Variants in PVR observed in about 807,000 individuals in gnomAD.
PVR encodes the protein PVR cell adhesion molecule.
A neutral mutation model predicts 43.3 loss-of-function variants in PVR; 39 were observed. The observed-to-expected ratio is 0.90, with a 90% CI of 0.70 to 1.18. PVR has a LOEUF of 1.18. PVR is among the 50% of genes most tolerant of loss of function. The probability of loss-of-function intolerance (pLI) is 0.00; values close to 1 mark genes in which losing one functional copy is unlikely to be tolerated. For synonymous variants in PVR, 224 were observed against 233.2 expected, an observed-to-expected ratio of 0.96 and a Z score of 0.36; for missense variants, 480 against 549.7, an observed-to-expected ratio of 0.87 and a Z score of 1.27.
chr19:44,647,503 C>A lies in PVR; in HGVS notation c.360C>A (p.Asn120Lys). The change falls in exon 2 of 8, where the codon AAC becomes AAA. Residue 120 changes from asparagine (N) to lysine (K), a missense_variant. Transcript: ENST00000425690. ...GGTTGCGCGTAGAGGATGAAGGCAACTACACCTGCCTGTTCGTCACGTTCC... is the reference window on the plus strand; with the variant it reads ...GGTTGCGCGTAGAGGATGAAGGCAAATACACCTGCCTGTTCGTCACGTTCC... ...MFGLRVEDEGNYTCLFVTFPQ... is the reference protein window; with the variant it reads ...MFGLRVEDEGKYTCLFVTFPQ... 6.2e-7 allele frequency: 1 copy of A among 1,614,108 alleles called. No individual in the cohort carries two copies. Among genetic ancestry groups the A allele is most frequent in the Non-Finnish European group, 8.5e-7 (1 of 1,180,012 alleles).
rs1973495471 is a variant in PVR, at chr19:44,657,883, C to T, written c.964C>T (p.Gln322Ter). The part of the protein sequence containing the change: ...CNVTNALGAR[Q>*]AELTVQVKEG... ...CGTCACCAATGCCCTAGGAGCTCGC[C>T]AGGCAGAACTGACCGTCCAGGTCAA... Residue 322 changes from glutamine to a stop codon, truncating the protein, a stop_gained, in exon 5 of 8, where the codon CAG (glutamine) becomes TAG (stop). Transcript: ENST00000425690. LOFTEE classifies it high-confidence loss of function. 6.2e-7 allele frequency: 1 copy of T among 1,613,712 alleles called. No homozygotes were observed. The highest frequency in any genetic ancestry group is 1.7e-5 in the Admixed American group (1 of 59,924).
chr19:44,649,883 T>A lies in PVR; in HGVS notation c.502T>A (p.Ser168Thr). ...GCCAGTGCCCATGGCCCGCTGCGTC[T>A]CCACAGGGGGTCGCCCGCCAGCCCA... ...GEPVPMARCV[S>T]TGGRPPAQIT... Residue 168 changes from serine to threonine, a missense_variant, in exon 3 of 8, where the codon TCC becomes ACC. Physicochemically the swap from Ser to Thr is moderately conservative, Grantham distance 58. Coordinates refer to ENST00000425690, the MANE Select transcript of PVR (RefSeq NM_006505.5). 2 of 1,614,032 alleles carry A rather than the reference T, an allele frequency of 1.2e-6. No individual in the cohort carries two copies. Among genetic ancestry groups the A allele is most frequent in the Non-Finnish European group, 1.7e-6 (2 of 1,179,976 alleles).
chr19:44,653,073 T>A (rs1973325827), intron 3 of PVR, among the ~76,000 whole-genome samples: 1 of 152,118 alleles, frequency 6.6e-6, no homozygotes, highest in Admixed American at 6.6e-5. Context: ...ATCCAAATAC[T>A]GTCTACACAC....
At chr19:44,656,205 G>T (rs1050755276) in intron 4 of PVR, among the ~76,000 whole-genome samples, 1 of 152,170 alleles carries the variant, frequency 6.6e-6, no homozygotes, top group African/African-American at 2.4e-5. Flanking sequence ...AACATATGTG[G>T]ATGTCATCAG....
intron 3 of PVR, among the ~76,000 whole-genome samples, chr19:44,652,503 C>T (rs954744094): frequency 2.6e-5 from 4 of 152,176 alleles, no homozygotes; most frequent in Non-Finnish European, 5.9e-5. Flanking sequence ...CCTGCCTCAG[C>T]CTCCCGAGTA....
rs536528386 is a variant in PVR at position 44,649,872 on chromosome 19, C to T, written c.491C>T (p.Ala164Val). The change falls in exon 3 of 8, where the codon GCC (alanine) becomes GTC (valine). Residue 164 changes from alanine to valine, a missense_variant. Coordinates refer to ENST00000425690, the MANE Select transcript of PVR (RefSeq NM_006505.5). Reference sequence around the variant, plus strand: ...CTCACTGGAGAGCCAGTGCCCATGGCCCGCTGCGTCTCCACAGGGGGTCGC... The same window carrying T: ...CTCACTGGAGAGCCAGTGCCCATGGTCCGCTGCGTCTCCACAGGGGGTCGC... ...VQLTGEPVPMARCVSTGGRPP... is the reference protein window; with the variant it reads ...VQLTGEPVPMVRCVSTGGRPP... The T allele has an allele frequency of 3.7e-6, 6 of 1,613,966 alleles. No homozygotes were observed. The highest frequency in any genetic ancestry group is 5.1e-6 in the Non-Finnish European group (6 of 1,179,996).
chr19:44,656,472 C>T (rs1160149498), intron 4 of PVR, among the ~76,000 whole-genome samples: 1 of 152,238 alleles, frequency 6.6e-6, no homozygotes, highest in African/African-American at 2.4e-5. Context: ...GCTTCCATCT[C>T]CTCCACCTCT....
At chr19:44,661,265 T>C (rs749289203) in intron 6 of PVR, 27 bp from the exon 7 acceptor site, 6 of 1,608,498 alleles carry the variant, frequency 3.7e-6, no homozygotes, top group Non-Finnish European at 4.3e-6. Flanking sequence ...TATTCCTTCC[T>C]GACGACTTCC....
chr19:44,655,668 C>A lies in PVR; in HGVS notation c.842+1651C>A, dbSNP rs73565950. 4.3e-3 allele frequency among the ~76,000 whole-genome samples: 653 copies of A among 152,228 alleles called. 4 individuals carry two copies. Among genetic ancestry groups the A allele is most frequent in the African/African-American group, 0.014 (601 of 41,520 alleles). On this transcript the variant is annotated intron_variant, in intron 4 of 7. Coordinates refer to ENST00000425690, the MANE Select transcript of PVR (RefSeq NM_006505.5). ...ATAGATCCACAACTCCATTTTCCCC[C>A]ACGTTGTATTAGGAAGACTGTCAAA...
At chr19:44,654,093 G>A in intron 4 of PVR, 76 bp downstream of exon 4, 1 of 1,193,812 alleles carries the variant, frequency 8.4e-7, no homozygotes. Flanking sequence ...CTGGGGGCCT[G>A]GACTCCTGGG....
At chr19:44,655,155 C>T (rs1287236524) in intron 4 of PVR, among the ~76,000 whole-genome samples, 1 of 152,100 alleles carries the variant, frequency 6.6e-6, no homozygotes, top group East Asian at 1.9e-4. Context: ...GTGATCATAG[C>T]TCACTGCAGC....
In PVR at chr19:44,662,635, C is replaced by T. The variant is rs1016696347; in HGVS notation, c.*824C>T. Reference sequence around the variant, plus strand: ...ATTAGCATGAACCACCCAGAGTGGCCCAAGACTCCAAGATCAGCTACCAGG... The same window carrying T: ...ATTAGCATGAACCACCCAGAGTGGCTCAAGACTCCAAGATCAGCTACCAGG... On this transcript the variant is annotated 3_prime_UTR_variant, in exon 8 of 8. Transcript: ENST00000425690. 6.6e-6 allele frequency: 1 copy of T among 152,270 alleles called. No individual in the cohort carries two copies. The highest frequency in any genetic ancestry group is 2.1e-4 in the South Asian group (1 of 4,826). The allele number at this position is 152,270 out of a possible 1,614,324, so 9.4% of individuals were successfully genotyped here. A position where few individuals can be genotyped will look rare whatever the true frequency, so the allele number is the denominator to read the frequency against.
rs201567346 is a variant in PVR at position 44,664,184 on chromosome 19, C to CTTTA, written c.*2389_*2392dup. 52 of 151,916 alleles carry CTTTA rather than the reference C, an allele frequency of 3.4e-4. No individual in the cohort carries two copies. Among genetic ancestry groups the CTTTA allele is most frequent in the South Asian group, 4.2e-4 (2 of 4,818 alleles). The allele number at this position is 151,916 out of a possible 1,614,324, so 9.4% of individuals were successfully genotyped here. On this transcript the variant is annotated 3_prime_UTR_variant, in exon 8 of 8. Coordinates refer to ENST00000425690, the MANE Select transcript of PVR (RefSeq NM_006505.5). ...TACCAAAAAACCATTGAATAGTGCA[C>CTTTA]TTTATTTATTTATTTATTTGTTTAT...
Position 44,661,335 on chromosome 19 carries a change from G to A in PVR, c.1182+12G>A. The A allele has an allele frequency of 6.2e-7, 1 of 1,613,654 alleles. No homozygotes were observed. The highest frequency in any genetic ancestry group is 8.5e-7 in the Non-Finnish European group (1 of 1,179,552). On this transcript the variant is annotated intron_variant, in intron 7 of 7. Coordinates refer to ENST00000425690, the MANE Select transcript of PVR (RefSeq NM_006505.5). ...CCTCAGCTAATGGGGTAAGTGCAGT[G>A]TTGGAGCTAAGGAGGGTGTGGGGTC...
chr19:44,659,006 C>T, intron 6 of PVR, 106 bp downstream of exon 6: 1 of 1,110,394 alleles, frequency 9.0e-7, no homozygotes, highest in Non-Finnish European at 1.3e-6. Context: ...CATGAGGTTT[C>T]CCCCATTTGA....
At chr19:44,649,264 C>A (rs931227865) in intron 2 of PVR, among the ~76,000 whole-genome samples, 2 of 152,082 alleles carry the variant, frequency 1.3e-5, no homozygotes, top group Non-Finnish European at 2.9e-5. Flanking sequence ...ATTTATTGAG[C>A]GCTTATTATA....
chr19:44,661,843 G>C lies in PVR; in HGVS notation c.*32G>C, dbSNP rs1227936274. On this transcript the variant is annotated 3_prime_UTR_variant, in exon 8 of 8. Coordinates refer to ENST00000425690, the MANE Select transcript of PVR (RefSeq NM_006505.5). ...CGGGACTGAGAGGGGAGAGAGACTG[G>C]AGCTGGCAAGGACGTGGGCCTCCAG... is the stretch of plus-strand genomic sequence containing the variant. The C allele has an allele frequency of 1.2e-6, 2 of 1,604,752 alleles. No individual in the cohort carries two copies. Among genetic ancestry groups the C allele is most frequent in the East Asian group, 2.2e-5 (1 of 44,834 alleles).
In PVR at chr19:44,649,320, C is replaced by T. The variant is rs143068494; in HGVS notation, c.428-489C>T. Among the ~76,000 whole-genome samples the T allele has an allele frequency of 1.9e-3, 296 of 152,250 alleles. 2 individuals are homozygous for T. The highest frequency in any genetic ancestry group is 6.4e-3 in the African/African-American group (267 of 41,546). On this transcript the variant is annotated intron_variant, in intron 2 of 7. Transcript: ENST00000425690. ...CTGCATATTCTCATTGCCTGTGATC[C>T]CATCACTATCCCCTGTCAACAGACA... is the stretch of plus-strand genomic sequence containing the variant.
At position 44,661,755 on chromosome 19, in the gene PVR, G is replaced by T. The variant is rs569781950; in HGVS notation, c.1198G>T (p.Ala400Ser). ...CCTCTTCTAGCATGTCTCCTATTCA[G>T]CTGTGAGCAGAGAGAACAGCTCTTC... ...ASANGHVSYS[A>S]VSRENSSSQD... The change falls in exon 8 of 8, where the codon GCT becomes TCT. Residue 400 changes from alanine to serine, a missense_variant. Coordinates refer to ENST00000425690, the MANE Select transcript of PVR (RefSeq NM_006505.5). The T allele has an allele frequency of 3.1e-6, 5 of 1,614,050 alleles. No individual in the cohort carries two copies. In the East Asian group the frequency reaches 8.9e-5, roughly 29 times the overall value.
Sources: allele counts gnomAD v4.1 joint callset (sites outside exome capture counted in the v4.1 genomes callset), GRCh38; gene constraint gnomAD v4.1.1; transcripts MANE v1.5; gene names NCBI Gene and HGNC (gene_info 2026-07-23, HGNC 2026-07-21).